Variants in TXNDC11 observed in about 807,000 individuals in gnomAD.
TXNDC11 encodes the protein thioredoxin domain containing 11.
In TXNDC11, 68 loss-of-function variants were observed where a neutral mutation model predicts 78.0. That is an observed-to-expected ratio of 0.87 (90% CI 0.72 to 1.07). The LOEUF (loss-of-function observed/expected upper bound fraction) is 1.07. Among genes scored for constraint, TXNDC11 ranks in the 50% least tolerant of loss-of-function variants. TXNDC11 has a pLI of 0.00. For missense variants in TXNDC11, 1,389 were observed against 1,221.8 expected, an observed-to-expected ratio of 1.14 and a Z score of -2.04; for synonymous variants, 571 against 495.2, an observed-to-expected ratio of 1.15 and a Z score of -2.03.
At chr16:11,714,572 G>C (rs1407194775) in intron 5 of TXNDC11, among the ~76,000 whole-genome samples, 1 of 151,962 alleles carries the variant, frequency 6.6e-6, no homozygotes, top group African/African-American at 2.4e-5. Flanking sequence ...CCCGGGAGGC[G>C]GAGGTTGCAG....
intron 4 of TXNDC11, among the ~76,000 whole-genome samples, chr16:11,730,040 G>C (rs1414722263): frequency 6.6e-6 from 1 of 152,126 alleles, no homozygotes; most frequent in Non-Finnish European, 1.5e-5. Context: ...TTTGCAGTGA[G>C]CTGAGATTGC....
Position 11,687,968 on chromosome 16 carries a change from T to C in TXNDC11, c.2044-2A>G. 2.5e-6 allele frequency: 4 copies of C among 1,606,792 alleles called. No homozygotes were observed. The highest frequency in any genetic ancestry group is 2.6e-6 in the Non-Finnish European group (3 of 1,173,756). On this transcript the variant is annotated splice_acceptor_variant, in intron 9 of 11. Transcript: ENST00000283033. LOFTEE classifies it high-confidence loss of function. ...AGCGTAATAGAGCAGGAGAACGTCC[T>C]GTGGGAAAGGGAAGACAGATGTTAC... is the stretch of plus-strand genomic sequence containing the variant.
Position 11,679,939 on chromosome 16 carries a change from A to G in TXNDC11, c.2235-102T>C, listed in dbSNP as rs2050379064. 9.6e-7 allele frequency: 1 copy of G among 1,037,792 alleles called. No homozygotes were observed. Among genetic ancestry groups the G allele is most frequent in the South Asian group, 1.6e-5 (1 of 62,376 alleles). 64.3% of individuals were successfully genotyped at this position (1,037,792 alleles called of 1,614,324 possible). Reference sequence around the variant, plus strand: ...CCAGGCCATCTACTTCTCACCAAGAAAAGACGTTCCGTGGATTTTACTTAC... The same window carrying G: ...CCAGGCCATCTACTTCTCACCAAGAGAAGACGTTCCGTGGATTTTACTTAC... On this transcript the variant is annotated intron_variant, in intron 11 of 11. Transcript: ENST00000283033. The surrounding 1 kb of genome is among the most constrained non-coding windows in gnomAD (Gnocchi z 4.6).
intron 5 of TXNDC11, among the ~76,000 whole-genome samples, chr16:11,711,998 A>C (rs187476127): frequency 1.0e-4 from 15 of 149,218 alleles, no homozygotes; most frequent in Admixed American, 8.6e-4. Flanking sequence ...GTTTGACTGT[A>C]AGTTTGTGAC....
intron 5 of TXNDC11, among the ~76,000 whole-genome samples, chr16:11,701,196 G>T (rs1447126104): frequency 2.1e-5 from 3 of 144,014 alleles, no homozygotes; most frequent in Non-Finnish European, 4.5e-5. Context: ...GAGTGCAGTG[G>T]TGCGATATCG....
At chr16:11,726,301 G>A (rs928832617) in intron 4 of TXNDC11, among the ~76,000 whole-genome samples, 2 of 152,018 alleles carry the variant, frequency 1.3e-5, no homozygotes, top group Non-Finnish European at 2.9e-5. Flanking sequence ...TCCACTCTTC[G>A]GCCGTGTGCG....
chr16:11,735,964 C>T (rs758177649), intron 2 of TXNDC11, 53 bp downstream of exon 2: 57 of 1,569,626 alleles, frequency 3.6e-5, no homozygotes, highest in Admixed American at 5.0e-5. Context: ...GACATCCTGC[C>T]CTACATATAG....
At chr16:11,694,097 C>CT (rs535913245) in intron 7 of TXNDC11, among the ~76,000 whole-genome samples, 2,709 of 85,596 alleles carry the variant, frequency 0.032, 758 homozygotes, top group African/African-American at 0.11. Flanking sequence ...TACAGCAATG[C>CT]TTTTTTTTTT....
At chr16:11,692,156 C>A (rs1223547703) in intron 7 of TXNDC11, 74 bp from the exon 8 acceptor site, 2 of 1,221,408 alleles carry the variant, frequency 1.6e-6, no homozygotes, top group Non-Finnish European at 2.3e-6. Flanking sequence ...CCACGTTTCA[C>A]TTTCTGTAAT....
chr16:11,741,187 G>C (rs764530624), intron 1 of TXNDC11, among the ~76,000 whole-genome samples: 3 of 152,066 alleles, frequency 2.0e-5, no homozygotes, highest in African/African-American at 7.2e-5. Flanking sequence ...TAAAATCCCC[G>C]ATCTTTTGAC....
chr16:11,724,795 G>A (rs1355395096), intron 4 of TXNDC11, among the ~76,000 whole-genome samples: 1 of 152,042 alleles, frequency 6.6e-6, no homozygotes, highest in Non-Finnish European at 1.5e-5. Context: ...GCCAAGGCTG[G>A]CGTGCAGTGG....
rs769985182 is a variant in TXNDC11 at position 11,736,252 on chromosome 16, A to G, written c.255-19T>C. 5.8e-6 allele frequency: 9 copies of G among 1,552,690 alleles called. No homozygotes were observed. The African/African-American group carries it at 1.2e-4, about 21-fold the overall frequency. On this transcript the variant is annotated intron_variant, in intron 1 of 11. Transcript: ENST00000283033. Reference sequence around the variant, plus strand: ...TGCTCGACTAAAAAAGAGCAAACACAGAAAAGATTGCTTAGTTTATCTTCT... The same window carrying G: ...TGCTCGACTAAAAAAGAGCAAACACGGAAAAGATTGCTTAGTTTATCTTCT...
At chr16:11,724,241 C>G (rs914109404) in intron 4 of TXNDC11, among the ~76,000 whole-genome samples, 1 of 152,086 alleles carries the variant, frequency 6.6e-6, no homozygotes, top group Admixed American at 6.5e-5. Flanking sequence ...AGAGATCGCA[C>G]CACTGCACTC....
At chr16:11,684,853 A>G (rs1303956228) in intron 10 of TXNDC11, among the ~76,000 whole-genome samples, 1 of 152,252 alleles carries the variant, frequency 6.6e-6, no homozygotes, top group East Asian at 1.9e-4. Context: ...ACTCGGGCTA[A>G]GCAGACATGG....
At chr16:11,728,264 T>C (rs1309883475) in intron 4 of TXNDC11, among the ~76,000 whole-genome samples, 3 of 152,210 alleles carry the variant, frequency 2.0e-5, no homozygotes, top group Admixed American at 6.5e-5. Context: ...TTGGTATATT[T>C]TGCAAGACAA....
chr16:11,723,280 A>G (rs1355350257), intron 4 of TXNDC11, among the ~76,000 whole-genome samples: 1 of 137,052 alleles, frequency 7.3e-6, no homozygotes, highest in Admixed American at 6.9e-5. Flanking sequence ...AAAAAAAAGA[A>G]AAAAAAAAAG....
At chr16:11,682,604 A>G (rs1377576465) in intron 11 of TXNDC11, among the ~76,000 whole-genome samples, 2 of 152,294 alleles carry the variant, frequency 1.3e-5, no homozygotes, top group East Asian at 3.9e-4. Context: ...GCTGGGTGCT[A>G]AGATTTTCAT....
intron 3 of TXNDC11, among the ~76,000 whole-genome samples, chr16:11,731,806 T>C (rs1259399909): frequency 2.0e-5 from 3 of 152,162 alleles, no homozygotes; most frequent in African/African-American, 7.2e-5. Context: ...CAGCGTTCTC[T>C]ACATGTACAG....
intron 5 of TXNDC11, among the ~76,000 whole-genome samples, chr16:11,714,564 C>T (rs1370205531): frequency 6.6e-6 from 1 of 151,654 alleles, no homozygotes; most frequent in Non-Finnish European, 1.5e-5. Flanking sequence ...GGCGTGAACC[C>T]GGGAGGCGGA....
Sources: gnomAD v4.1 joint callset for allele counts (sites outside exome capture counted in the v4.1 genomes callset) on GRCh38, gnomAD v4.1.1 for gene constraint, Gnocchi (gnomAD v3.1) non-coding constraint, MANE v1.5 for transcripts, NCBI Gene and HGNC (gene_info 2026-07-23, HGNC 2026-07-21) for gene names.